Variants in MCCC1 observed in about 807,000 individuals in gnomAD.
MCCC1 encodes methylcrotonyl-CoA carboxylase subunit 1, also known as methylcrotonoyl-CoA carboxylase subunit alpha, mitochondrial.
MCCC1 carries 64 observed loss-of-function variants against 83.8 expected under a neutral mutation model. The ratio of observed to expected loss-of-function variants is 0.76; its 90% CI spans 0.62 to 0.94. MCCC1 has a LOEUF of 0.94. MCCC1 is among the 40% of genes least tolerant of loss of function. MCCC1 has a pLI of 0.00. For synonymous variants in MCCC1, 322 were observed against 315.4 expected (o/e 1.02, Z -0.22); for missense variants, 807 against 904.7 (o/e 0.89, Z 1.39).
At chr3:183,051,512 G>C (rs865851039) in intron 9 of MCCC1, among the ~76,000 whole-genome samples, 8 of 152,088 alleles carry the variant, frequency 5.3e-5, no homozygotes, top group Admixed American at 2.6e-4. Context: ...CGGGGTTTAG[G>C]GGGGATGAAA....
intron 5 of MCCC1, among the ~76,000 whole-genome samples, 180 bp downstream of exon 5, chr3:183,072,178 TAAAAAAAA>T (rs1319768634): frequency 6.6e-6 from 1 of 151,670 alleles, no homozygotes; most frequent in Non-Finnish European, 1.5e-5. Context: ...CTGGCTGATT[TAAAAAAAA>T]GAATTTTGAG....
chr3:183,041,864 C>A, intron 10 of MCCC1, 114 bp from the exon 11 acceptor site: 1 of 1,192,256 alleles, frequency 8.4e-7, no homozygotes, highest in African/African-American at 1.5e-5. Flanking sequence ...TTTTGCAATG[C>A]AGCCAAATAA....
Position 183,061,726 on chromosome 3 carries a change from C to T in MCCC1, c.762-4304G>A, listed in dbSNP as rs573915413. On this transcript the variant is annotated intron_variant, in intron 7 of 18. Coordinates refer to ENST00000265594, the MANE Select transcript of MCCC1 (RefSeq NM_020166.5). ...CCTCAATTCTCTGATGGTTCTAAAA[C>T]CACTGACTTTCATTTTGTTTAGCCT... Among the ~76,000 whole-genome samples, 36 of 152,342 alleles carry T rather than the reference C, an allele frequency of 2.4e-4. No individual in the cohort carries two copies. The Middle Eastern group carries it at 0.01, about 43-fold the overall frequency.
At chr3:183,088,783 G>A (rs544057884) in intron 3 of MCCC1, among the ~76,000 whole-genome samples, 17 of 152,140 alleles carry the variant, frequency 1.1e-4, no homozygotes, top group Admixed American at 5.2e-4. Context: ...TTCCATTAAC[G>A]GTATGTCTTG....
chr3:183,031,426 T>C (rs2108456425), intron 14 of MCCC1, among the ~76,000 whole-genome samples: 1 of 151,764 alleles, frequency 6.6e-6, no homozygotes, highest in Middle Eastern at 3.4e-3. Context: ...CTTAAAATAG[T>C]TGGTCATTCT....
Position 183,080,408 on chromosome 3 carries a change from CT to C in MCCC1, c.369+6284del, listed in dbSNP as rs1193463004. Among the ~76,000 whole-genome samples the C allele has an allele frequency of 1.1e-4, 17 of 152,336 alleles. No homozygotes were observed. In the Middle Eastern group the frequency reaches 0.017, roughly 152 times the overall value. On this transcript the variant is annotated intron_variant, in intron 4 of 18. Coordinates refer to ENST00000265594, the MANE Select transcript of MCCC1 (RefSeq NM_020166.5). The stretch of plus-strand genomic sequence containing the variant: ...ACAGCAGGAATAAAATGCTGCCAGT[CT>C]TTGCTAAAACATAACAAGAGTCACC...
At chr3:183,094,742 A>G in intron 1 of MCCC1, 137 bp from the exon 2 acceptor site, 1 of 834,556 alleles carries the variant, frequency 1.2e-6, no homozygotes, top group South Asian at 1.4e-5. Flanking sequence ...CTTAGTGGGT[A>G]GAAAACTAAT....
chr3:183,045,052 G>T (rs529601635), intron 10 of MCCC1, among the ~76,000 whole-genome samples: 1 of 150,908 alleles, frequency 6.6e-6, no homozygotes, highest in East Asian at 1.9e-4. Flanking sequence ...TACCATTTAG[G>T]TAGTTTTTCA....
In MCCC1 at chr3:183,113,416, G is replaced by A. The variant is rs375691680; in HGVS notation, c.-102+2058C>T. ...AACATCATACTCCGGGGACTGTTGTGGGGTGGGGGGAGGGGGGACGGATAG... is the reference window on the plus strand; with the variant it reads ...AACATCATACTCCGGGGACTGTTGTAGGGTGGGGGGAGGGGGGACGGATAG... On this transcript the variant is annotated intron_variant, in intron 1 of 17. Transcript: ENST00000492597. Among the ~76,000 whole-genome samples the A allele has an allele frequency of 5.1e-5, 7 of 138,104 alleles. No homozygotes were observed. In the East Asian group the frequency reaches 8.9e-4, roughly 17 times the overall value. The allele number at this position is 138,104 out of a possible 152,430, so 90.6% of individuals were successfully genotyped here.
chr3:183,070,519 G>A (rs1490554902), intron 7 of MCCC1, among the ~76,000 whole-genome samples: 2 of 152,176 alleles, frequency 1.3e-5, no homozygotes, highest in Admixed American at 6.5e-5. Flanking sequence ...TGGATCACGA[G>A]GTCAGGAGTT....
intron 2 of MCCC1, 122 bp downstream of exon 2, chr3:183,094,437 G>T: frequency 1.0e-6 from 1 of 994,052 alleles, no homozygotes; most frequent in Non-Finnish European, 1.6e-6. Context: ...AAATTATCGT[G>T]AAAATCCAAA....
chr3:183,115,410 C>T (rs1341409687), intron 1 of MCCC1: 2 of 152,182 alleles, frequency 1.3e-5, no homozygotes, highest in African/African-American at 2.4e-5. Context: ...TTCTTGCTCA[C>T]CCAGATTTAC....
chr3:183,099,299 C>G (rs1252929739), intron 1 of MCCC1, 53 bp downstream of exon 1: 2 of 1,541,184 alleles, frequency 1.3e-6, no homozygotes, highest in Admixed American at 1.9e-5. Context: ...CACGCGGGTC[C>G]GTGCACCCCT....
intron 7 of MCCC1, among the ~76,000 whole-genome samples, chr3:183,070,765 T>G (rs1385517438): frequency 6.6e-6 from 1 of 151,976 alleles, no homozygotes; most frequent in Non-Finnish European, 1.5e-5. Context: ...TCACTGTTCT[T>G]AGGTATGTAT....
chr3:183,074,199 G>A (rs886555031), intron 4 of MCCC1, among the ~76,000 whole-genome samples: 1 of 152,218 alleles, frequency 6.6e-6, no homozygotes, highest in Non-Finnish European at 1.5e-5. Flanking sequence ...TGTACTTTCA[G>A]TGAAAAGGGC....
At chr3:183,082,129 C>G (rs1410072281) in intron 4 of MCCC1, among the ~76,000 whole-genome samples, 1 of 152,258 alleles carries the variant, frequency 6.6e-6, no homozygotes, top group Non-Finnish European at 1.5e-5. Context: ...TCCACACACT[C>G]TCCTCAGACA....
At chr3:183,113,080 T>C (rs1183733608) in intron 1 of MCCC1, among the ~76,000 whole-genome samples, 1 of 151,630 alleles carries the variant, frequency 6.6e-6, no homozygotes, top group African/African-American at 2.4e-5. Flanking sequence ...AAAAATTAGC[T>C]GGGCGTGGTA....
intron 4 of MCCC1, among the ~76,000 whole-genome samples, chr3:183,075,927 G>A (rs1717041077): frequency 6.6e-6 from 1 of 152,150 alleles, no homozygotes; most frequent in Admixed American, 6.6e-5. Context: ...ACTTTTGTCA[G>A]ATGCAAACTT....
At chr3:183,107,507 T>C (rs959926209) in intron 1 of MCCC1, among the ~76,000 whole-genome samples, 21 of 150,964 alleles carry the variant, frequency 1.4e-4, no homozygotes, top group Non-Finnish European at 5.9e-5. Context: ...CTCTGTTTTG[T>C]TTTTATTATT....
Sources: gnomAD v4.1 joint callset for allele counts (sites outside exome capture counted in the v4.1 genomes callset) on GRCh38, gnomAD v4.1.1 for gene constraint, MANE v1.5 for transcripts, NCBI Gene and HGNC (gene_info 2026-07-23, HGNC 2026-07-21) for gene names.